Variants in SEMA6D observed in about 807,000 individuals in gnomAD.
SEMA6D encodes semaphorin 6D, also known as semaphorin-6D.
In SEMA6D, 35 loss-of-function variants were observed where a neutral mutation model predicts 106.6. The ratio of observed to expected loss-of-function variants is 0.33; its 90% confidence interval spans 0.25 to 0.44. The LOEUF (loss-of-function observed/expected upper bound fraction) is 0.44, where lower values mean the gene tolerates loss of function less well. SEMA6D is among the 20% of genes least tolerant of loss of function. The pLI, the probability that SEMA6D is intolerant of heterozygous loss-of-function variation, is 1.00. For synonymous variants in SEMA6D, 499 were observed against 487.7 expected, an observed-to-expected ratio of 1.02 and a Z score of -0.31; for missense variants, 1,185 against 1,345.9, an observed-to-expected ratio of 0.88 and a Z score of 1.87.
intron 1 of SEMA6D, among the ~76,000 whole-genome samples, chr15:47,228,270 C>T (rs2031943762): frequency 6.6e-6 from 1 of 151,426 alleles, no homozygotes; most frequent in Admixed American, 6.6e-5. Context: ...GCTGCTTTAC[C>T]AGGAAGAACA....
chr15:47,323,673 C>T (rs1321992943), intron 1 of SEMA6D, among the ~76,000 whole-genome samples: 1 of 152,162 alleles, frequency 6.6e-6, no homozygotes, highest in Admixed American at 6.5e-5. Context: ...GGCGGAGTTT[C>T]ACCAGGGATC....
chr15:47,534,707 A>T (rs1402887136), intron 3 of SEMA6D, among the ~76,000 whole-genome samples: 1 of 152,112 alleles, frequency 6.6e-6, no homozygotes, highest in Non-Finnish European at 1.5e-5. Context: ...ATTCTTGAAG[A>T]AGTTTCCTAC....
chr15:47,383,948 C>G (rs186529613), intron 1 of SEMA6D, among the ~76,000 whole-genome samples: 11 of 152,300 alleles, frequency 7.2e-5, no homozygotes, highest in Non-Finnish European at 1.0e-4. Context: ...AAAGCACATG[C>G]ACATATATAC....
chr15:47,632,145 A>G (rs1250108805), intron 4 of SEMA6D, among the ~76,000 whole-genome samples: 1 of 151,748 alleles, frequency 6.6e-6, no homozygotes, highest in African/African-American at 2.4e-5. Flanking sequence ...TCCTAGTTTG[A>G]TTCCATTTTG....
intron 1 of SEMA6D, among the ~76,000 whole-genome samples, chr15:47,257,730 GA>G (rs927639062): frequency 0.013 from 1,974 of 146,314 alleles, 37 homozygotes; most frequent in Admixed American, 0.014. Context: ...ATGAGAACTT[GA>G]AAAAAAAAAA....
chr15:47,451,380 G>C (rs189811298), intron 2 of SEMA6D, among the ~76,000 whole-genome samples: 2 of 152,058 alleles, frequency 1.3e-5, no homozygotes, highest in Non-Finnish European at 2.9e-5. Context: ...TGGTGAGGAT[G>C]CATGGACATG....
chr15:47,406,825 G>C (rs368947577), intron 1 of SEMA6D, among the ~76,000 whole-genome samples: 1 of 151,522 alleles, frequency 6.6e-6, no homozygotes, highest in African/African-American at 2.4e-5. Flanking sequence ...ATAGATAATG[G>C]ATATGTTAAT....
At chr15:47,767,325 T>C in intron 17 of SEMA6D, 1 of 375,716 alleles carries the variant, frequency 2.7e-6, no homozygotes, top group East Asian at 4.1e-5. Flanking sequence ...AAAATTCAAA[T>C]GGGCTAACAT....
intron 2 of SEMA6D, among the ~76,000 whole-genome samples, chr15:47,422,195 T>TTCCC (rs2041190662): frequency 6.8e-6 from 1 of 147,920 alleles, no homozygotes; most frequent in African/African-American, 2.5e-5. Context: ...CCTTCCTTCC[T>TTCCC]TCCTTCCTTC....
intron 1 of SEMA6D, among the ~76,000 whole-genome samples, chr15:47,737,419 A>G (rs1208323093): frequency 6.6e-6 from 1 of 152,320 alleles, no homozygotes; most frequent in Non-Finnish European, 1.5e-5. Flanking sequence ...TAAATGTTAA[A>G]ACAATTATAA....
intron 1 of SEMA6D, among the ~76,000 whole-genome samples, chr15:47,248,346 G>A (rs1243698057): frequency 3.9e-5 from 6 of 152,124 alleles, no homozygotes; most frequent in Non-Finnish European, 8.8e-5. Context: ...AAACATTAAC[G>A]TGAAGAAAAC....
At chr15:47,320,038 G>T (rs2036862255) in intron 1 of SEMA6D, among the ~76,000 whole-genome samples, 1 of 152,046 alleles carries the variant, frequency 6.6e-6, no homozygotes, top group Non-Finnish European at 1.5e-5. Context: ...TTTGTCCTGT[G>T]CCCTCCTCTC....
intron 3 of SEMA6D, among the ~76,000 whole-genome samples, chr15:47,510,115 G>A (rs1049808042): frequency 8.6e-5 from 13 of 152,042 alleles, no homozygotes; most frequent in African/African-American, 1.2e-4. Context: ...ATACCAGTCC[G>A]TGGCCTACTA....
At position 47,370,547 on chromosome 15, in the gene SEMA6D, T is replaced by C. The variant is rs560679238; in HGVS notation, c.-238-41846T>C. ...AAAAAGAAAGGTAGTGATAATGATA[T>C]AAAGAAGATATTATGGGCTGGGTGC... On this transcript the variant is annotated intron_variant, in intron 1 of 19. Transcript: ENST00000558014. 2.7e-5 allele frequency among the ~76,000 whole-genome samples: 4 copies of C among 150,904 alleles called. No individual in the cohort carries two copies. In the East Asian group the frequency reaches 7.8e-4, roughly 30 times the overall value.
intron 1 of SEMA6D, among the ~76,000 whole-genome samples, chr15:47,264,821 A>C (rs143543690): frequency 2.4e-4 from 36 of 152,206 alleles, no homozygotes; most frequent in African/African-American, 8.7e-4. Flanking sequence ...GTATGTCATG[A>C]AAAAGTATTG....
At chr15:47,451,021 AAAAC>A (rs1373029577) in intron 2 of SEMA6D, among the ~76,000 whole-genome samples, 2 of 152,260 alleles carry the variant, frequency 1.3e-5, no homozygotes, top group African/African-American at 2.4e-5. Flanking sequence ...TAAAAGGCAA[AAAAC>A]AAACAAACAA....
chr15:47,278,350 T>C (rs2034938947), intron 1 of SEMA6D, among the ~76,000 whole-genome samples: 1 of 152,256 alleles, frequency 6.6e-6, no homozygotes, highest in South Asian at 2.1e-4. Flanking sequence ...GATTTGCATT[T>C]CTCTGATGGC....
At chr15:47,308,558 A>G (rs2036318792) in intron 1 of SEMA6D, among the ~76,000 whole-genome samples, 1 of 152,196 alleles carries the variant, frequency 6.6e-6, no homozygotes, top group Non-Finnish European at 1.5e-5. Flanking sequence ...CGTAAGACAC[A>G]GATAGGTCCA....
intron 1 of SEMA6D, among the ~76,000 whole-genome samples, chr15:47,237,575 G>C (rs1009904265): frequency 1.3e-5 from 2 of 151,898 alleles, no homozygotes; most frequent in African/African-American, 4.8e-5. Flanking sequence ...GCTTGAATTG[G>C]CTTGGTAGTC....
Sources: gnomAD v4.1 joint callset for allele counts (sites outside exome capture counted in the v4.1 genomes callset) on GRCh38, gnomAD v4.1.1 for gene constraint, MANE v1.5 for transcripts, NCBI Gene and HGNC (gene_info 2026-07-23, HGNC 2026-07-21) for gene names.